TJP1: variants seen among roughly 807,000 people sequenced by gnomAD.
TJP1 encodes tight junction protein ZO-1.
In TJP1, 43 loss-of-function variants were observed where a neutral mutation model predicts 194.2. The ratio of observed to expected loss-of-function variants is 0.22; its 90% CI spans 0.17 to 0.29. The LOEUF (loss-of-function observed/expected upper bound fraction) is 0.29. Ranked by LOEUF, TJP1 falls within the 10% of genes least tolerant of loss-of-function variation. TJP1 has a pLI of 1.00. For missense variants in TJP1, 1,971 were observed against 2,185.7 expected, an observed-to-expected ratio of 0.90 and a Z score of 1.96; for synonymous variants, 801 against 779.0, an observed-to-expected ratio of 1.03 and a Z score of -0.47.
intron 2 of TJP1, among the ~76,000 whole-genome samples, chr15:29,876,020 A>G (rs537709736): frequency 1.3e-5 from 2 of 152,304 alleles, no homozygotes; most frequent in Non-Finnish European, 2.9e-5. Context: ...AATTAGATAA[A>G]ATTTTAAAAT....
intron 2 of TJP1, among the ~76,000 whole-genome samples, chr15:29,865,705 G>A (rs1052844904): frequency 1.3e-5 from 2 of 152,118 alleles, no homozygotes; most frequent in African/African-American, 4.8e-5. Context: ...GACATGCACC[G>A]AGCAATGTGC....
At chr15:29,737,125 T>C (rs1269685603) in intron 11 of TJP1, 139 bp downstream of exon 11, 2 of 1,036,804 alleles carry the variant, frequency 1.9e-6, no homozygotes, top group Non-Finnish European at 2.8e-6. Flanking sequence ...CTGATGGATT[T>C]TGACTTTCAA....
chr15:29,772,284 TTTCTC>T (rs2046740847), intron 3 of TJP1, 118 bp from the exon 4 acceptor site: 1 of 603,576 alleles, frequency 1.7e-6, no homozygotes, highest in African/African-American at 1.9e-5. Context: ...AATTAATTAA[TTTCTC>T]TTCAGATCAA....
At chr15:29,712,515 A>G (rs1327938710) in intron 23 of TJP1, among the ~76,000 whole-genome samples, 1 of 152,190 alleles carries the variant, frequency 6.6e-6, no homozygotes, top group Non-Finnish European at 1.5e-5. Flanking sequence ...AAAAATATCA[A>G]CCAACATCCA....
chr15:29,831,069 C>A (rs898974136), intron 2 of TJP1, among the ~76,000 whole-genome samples: 6 of 152,092 alleles, frequency 3.9e-5, no homozygotes, highest in African/African-American at 1.4e-4. Flanking sequence ...CAAGAGAGCC[C>A]CCAAAACAAA....
chr15:29,737,594 T>C (rs541970500), intron 10 of TJP1, among the ~76,000 whole-genome samples, 180 bp from the exon 11 acceptor site: 1 of 152,228 alleles, frequency 6.6e-6, no homozygotes, highest in Non-Finnish European at 1.5e-5. Flanking sequence ...TTAATAACAC[T>C]ATTTTCTGAT....
At chr15:29,837,978 T>A (rs534464055) in intron 2 of TJP1, among the ~76,000 whole-genome samples, 4 of 152,330 alleles carry the variant, frequency 2.6e-5, no homozygotes, top group Non-Finnish European at 5.9e-5. Context: ...AAGAATAGGA[T>A]TTTAGACTTA....
intron 1 of TJP1, among the ~76,000 whole-genome samples, chr15:29,816,484 G>C (rs2049932696): frequency 1.3e-5 from 2 of 152,164 alleles, no homozygotes; most frequent in South Asian, 4.1e-4. Flanking sequence ...ATAAATTAAA[G>C]CTTTAACCAT....
At chr15:29,807,408 T>G (rs1013716651) in intron 1 of TJP1, among the ~76,000 whole-genome samples, 13 of 152,190 alleles carry the variant, frequency 8.5e-5, no homozygotes, top group Admixed American at 3.3e-4. Flanking sequence ...GCTTTCAAGT[T>G]ATCAAAAATA....
chr15:29,787,445 T>C (rs117201899), intron 2 of TJP1, among the ~76,000 whole-genome samples: 4,034 of 152,228 alleles, frequency 0.026, 84 homozygotes, highest in Non-Finnish European at 0.041. Context: ...AACACATACA[T>C]TGGACCCCAT....
intron 1 of TJP1, among the ~76,000 whole-genome samples, chr15:29,813,420 A>G (rs1016202092): frequency 2.0e-5 from 3 of 152,130 alleles, no homozygotes; most frequent in African/African-American, 7.2e-5. Context: ...AACTGAAACT[A>G]TTTTCTCCCG....
chr15:29,822,648 A>G (rs1007275147), upstream of TJP1: 4 of 230,364 alleles, frequency 1.7e-5, no homozygotes, highest in African/African-American at 4.7e-5. Context: ...GTAACTTGGA[A>G]GACAGTTTCC....
At chr15:29,801,916 CATA>C (rs1567057389) in intron 1 of TJP1, among the ~76,000 whole-genome samples, 1 of 151,708 alleles carries the variant, frequency 6.6e-6, no homozygotes, top group East Asian at 1.9e-4. Context: ...AAAAAAATCT[CATA>C]ATGTTGTAAG....
At chr15:29,897,461 G>A (rs754054099) in intron 2 of TJP1, among the ~76,000 whole-genome samples, 4 of 152,226 alleles carry the variant, frequency 2.6e-5, no homozygotes, top group Non-Finnish European at 5.9e-5. Flanking sequence ...AGGGCAGTGT[G>A]GAAGGGAAAT....
intron 2 of TJP1, among the ~76,000 whole-genome samples, chr15:29,874,412 C>G (rs112036804): frequency 4.6e-5 from 7 of 152,110 alleles, no homozygotes; most frequent in Non-Finnish European, 1.5e-5. Context: ...ACCTTGCAAA[C>G]GACACATCTT....
intron 12 of TJP1, among the ~76,000 whole-genome samples, chr15:29,733,517 G>C (rs45505092): frequency 0.082 from 12,442 of 152,290 alleles, 545 homozygotes; most frequent in African/African-American, 0.092. Context: ...TGAGGAAACT[G>C]ATGCAGAAAA....
At chr15:29,937,657 T>C (rs746815518) in intron 2 of TJP1, among the ~76,000 whole-genome samples, 1 of 152,088 alleles carries the variant, frequency 6.6e-6, no homozygotes, top group South Asian at 2.1e-4. Flanking sequence ...CTCAAAGATA[T>C]GCAGTGACAT....
In TJP1 at chr15:29,719,919, A is replaced by T. The variant is rs755403042; in HGVS notation, c.2861T>A (p.Val954Asp). The change falls in exon 20 of 28, where the codon GTC becomes GAC. Residue 954 changes from valine to aspartate, a missense_variant. Physicochemically the swap from Val to Asp is radical, Grantham distance 152. Around this residue, in one of 5 missense-constraint regions of TJP1, gnomAD observed 1,108 missense variants for 1,128.5 expected, o/e 0.98. Coordinates refer to ENST00000614355, the MANE Select transcript of TJP1 (RefSeq NM_001330239.4). ...AVNHNVNLTN[V>D]RLEEPTPAPS... ...AGCTGGGGTGGGCTCCTCCAGTCTG[A>T]CATTAGTTAAATTTACATTATGATT... 3.7e-6 allele frequency: 6 copies of T among 1,614,022 alleles called. No individual in the cohort carries two copies. In the South Asian group the frequency reaches 5.5e-5, roughly 15 times the overall value.
intron 22 of TJP1, among the ~76,000 whole-genome samples, chr15:29,717,533 C>A (rs377124425): frequency 6.8e-6 from 1 of 147,570 alleles, no homozygotes; most frequent in African/African-American, 2.5e-5. Flanking sequence ...AAGCTACTTG[C>A]CCCTCTCAGC....
Sources: gnomAD v4.1 joint callset for allele counts (sites outside exome capture counted in the v4.1 genomes callset) on GRCh38, gnomAD v4.1.1 for gene constraint, gnomAD v4.1.1 regional missense constraint, MANE v1.5 for transcripts, NCBI Gene and HGNC (gene_info 2026-07-23, HGNC 2026-07-21) for gene names.